DNAH12: variants seen among roughly 807,000 people sequenced by gnomAD.
DNAH12 encodes dynein axonemal heavy chain 12.
In DNAH12, 285 loss-of-function variants were observed where a neutral mutation model predicts 371.5. That is an observed-to-expected ratio of 0.77 (90% CI 0.70 to 0.85). The LOEUF (loss-of-function observed/expected upper bound fraction) is 0.85. Among genes scored for constraint, DNAH12 ranks in the 40% least tolerant of loss-of-function variants. The pLI is 0.00. For missense variants in DNAH12, 3,611 were observed against 3,689.4 expected, an observed-to-expected ratio of 0.98 and a Z score of 0.55; for synonymous variants, 1,200 against 1,213.0, an observed-to-expected ratio of 0.99 and a Z score of 0.22.
the DNAH12 span, among the ~76,000 whole-genome samples, chr3:57,551,478 A>G: frequency 1.6e-4 from 24 of 151,912 alleles, no homozygotes; most frequent in African/African-American, 4.1e-4. Context: ...TCGCCGTGTT[A>G]GCCAGGATGG....
chr3:57,500,459 T>C (rs1466880622), intron 11 of DNAH12, among the ~76,000 whole-genome samples: 1 of 152,216 alleles, frequency 6.6e-6, no homozygotes, highest in African/African-American at 2.4e-5. Flanking sequence ...TGGCTCCAAC[T>C]TACATTTCGA....
intron 3 of DNAH12, 29 bp downstream of exon 3, chr3:57,523,774 A>C (rs1253178972): frequency 7.6e-6 from 12 of 1,570,576 alleles, no homozygotes; most frequent in Non-Finnish European, 1.0e-5. Flanking sequence ...TATAAGGATA[A>C]ACTTTTTAAC....
At chr3:57,346,466 A>G (rs1553658086) in intron 60 of DNAH12, among the ~76,000 whole-genome samples, 3 of 152,180 alleles carry the variant, frequency 2.0e-5, no homozygotes. Flanking sequence ...ATCTGCTAAG[A>G]GAAGAGAAAA....
intron 25 of DNAH12, among the ~76,000 whole-genome samples, chr3:57,448,701 G>GT (rs1482880054): frequency 6.6e-6 from 1 of 151,334 alleles, no homozygotes; most frequent in Non-Finnish European, 1.5e-5. Context: ...CGAGTGGCCT[G>GT]TTTTAACAGG....
chr3:57,338,937 A>T (rs1553655067), intron 60 of DNAH12, among the ~76,000 whole-genome samples: 1 of 152,228 alleles, frequency 6.6e-6, no homozygotes, highest in African/African-American at 2.4e-5. Context: ...CGAAAAGAAA[A>T]GGGGGAAATG....
At chr3:57,383,816 G>C (rs1335648318) in intron 49 of DNAH12, among the ~76,000 whole-genome samples, 2 of 150,472 alleles carry the variant, frequency 1.3e-5, no homozygotes, top group Non-Finnish European at 3.0e-5. Flanking sequence ...CATGAAGAAA[G>C]AATATAGTAA....
intron 66 of DNAH12, among the ~76,000 whole-genome samples, chr3:57,312,510 T>C (rs1436050178): frequency 6.6e-6 from 1 of 152,198 alleles, no homozygotes; most frequent in Non-Finnish European, 1.5e-5. Flanking sequence ...AGCCTGCTCA[T>C]ACCAGGTGAA....
At chr3:57,465,992 A>G (rs1043841805) in intron 17 of DNAH12, among the ~76,000 whole-genome samples, 23 of 151,988 alleles carry the variant, frequency 1.5e-4, no homozygotes, top group African/African-American at 5.6e-4. Context: ...ATGGAGGGTA[A>G]TTCAACTGTA....
At chr3:57,332,016 C>A (rs551885935) in intron 62 of DNAH12, among the ~76,000 whole-genome samples, 1 of 152,122 alleles carries the variant, frequency 6.6e-6, no homozygotes, top group Non-Finnish European at 1.5e-5. Flanking sequence ...AATTTCCCCC[C>A]ACCCTGCTCC....
At chr3:57,487,110 A>G (rs1198796468) in intron 12 of DNAH12, among the ~76,000 whole-genome samples, 2 of 152,150 alleles carry the variant, frequency 1.3e-5, no homozygotes, top group East Asian at 3.9e-4. Flanking sequence ...ATCATGTAGG[A>G]CTTTACAGTT....
At chr3:57,413,953 A>C (rs148097077) in intron 38 of DNAH12, 41 bp from the exon 39 acceptor site, 1 of 1,521,956 alleles carries the variant, frequency 6.6e-7, no homozygotes, top group African/African-American at 1.4e-5. Flanking sequence ...CCTATAATTG[A>C]ATTAGGGATT....
intron 4 of DNAH12, among the ~76,000 whole-genome samples, chr3:57,520,290 T>C (rs777470094): frequency 2.2e-4 from 34 of 152,028 alleles, no homozygotes; most frequent in Non-Finnish European, 4.6e-4. Flanking sequence ...TTTGTATTTT[T>C]AGTAGCGACG....
chr3:57,359,061 G>A (rs1351436647), intron 58 of DNAH12, among the ~76,000 whole-genome samples: 2 of 152,116 alleles, frequency 1.3e-5, no homozygotes, highest in African/African-American at 4.8e-5. Context: ...TGGGATTACA[G>A]GCATGAGCCA....
rs918574294 is a variant in DNAH12, at chr3:57,434,967, A to C, written c.4656-1139T>G. Among the ~76,000 whole-genome samples the C allele has an allele frequency of 3.8e-4, 58 of 152,334 alleles. 1 individual carries two copies. The highest frequency in any genetic ancestry group is 1.3e-3 in the African/African-American group (56 of 41,578). Reference sequence around the variant, plus strand: ...AATGTATCAAGTTATTCTCATTCGCAACTGGTAAAAGATAAAATTAAGAAA... The same window carrying C: ...AATGTATCAAGTTATTCTCATTCGCCACTGGTAAAAGATAAAATTAAGAAA... On this transcript the variant is annotated intron_variant, in intron 30 of 73. Coordinates refer to ENST00000495027, the MANE Select transcript of DNAH12 (RefSeq NM_001366028.2).
intron 30 of DNAH12, among the ~76,000 whole-genome samples, chr3:57,436,477 G>A (rs909101113): frequency 1.3e-5 from 2 of 152,244 alleles, no homozygotes; most frequent in Non-Finnish European, 2.9e-5. Flanking sequence ...TTTCTGAATG[G>A]GAGTGTTTGC....
chr3:57,449,018 A>C (rs2065646936), intron 25 of DNAH12, among the ~76,000 whole-genome samples: 1 of 121,812 alleles, frequency 8.2e-6, no homozygotes, highest in Non-Finnish European at 1.7e-5. Flanking sequence ...GTGCACTCAC[A>C]AACCTTGAGC....
intron 25 of DNAH12, among the ~76,000 whole-genome samples, chr3:57,450,173 G>A (rs546993134): frequency 5.3e-5 from 8 of 151,162 alleles, no homozygotes; most frequent in Non-Finnish European, 8.8e-5. Flanking sequence ...ACTTGAACCT[G>A]GGAGGCGGAG....
At chr3:57,477,242 C>CA (rs1352626005) in intron 13 of DNAH12, among the ~76,000 whole-genome samples, 1 of 152,150 alleles carries the variant, frequency 6.6e-6, no homozygotes, top group Non-Finnish European at 1.5e-5. Flanking sequence ...TGCGCTTTTC[C>CA]AACGGGTTTA....
chr3:57,486,652 T>C (rs947568200), intron 12 of DNAH12, among the ~76,000 whole-genome samples: 6 of 152,036 alleles, frequency 3.9e-5, no homozygotes, highest in Non-Finnish European at 7.4e-5. Flanking sequence ...CCTGCCCTCA[T>C]AAAGCTTGTA....
Sources: gnomAD v4.1 joint callset for allele counts (sites outside exome capture counted in the v4.1 genomes callset) on GRCh38, gnomAD v4.1.1 for gene constraint, MANE v1.5 for transcripts, NCBI Gene and HGNC (gene_info 2026-07-23, HGNC 2026-07-21) for gene names.